DDX19B: variants seen among roughly 807,000 people sequenced by gnomAD.
The protein encoded by DDX19B is DEAD-box helicase 19B, also known as ATP-dependent RNA helicase DDX19B.
A neutral mutation model predicts 58.1 loss-of-function variants in DDX19B; 27 were observed. The observed-to-expected ratio is 0.46, with a 90% confidence interval of 0.34 to 0.64. DDX19B has a LOEUF of 0.64. DDX19B is among the 30% of genes least tolerant of loss of function. DDX19B has a pLI of 0.01. For missense variants in DDX19B, 399 were observed against 596.5 expected, an observed-to-expected ratio of 0.67 and a Z score of 3.45; for synonymous variants, 187 against 214.4, an observed-to-expected ratio of 0.87 and a Z score of 1.12.
intron 9 of DDX19B, among the ~76,000 whole-genome samples, chr16:70,330,687 G>GA (rs1963437454): frequency 6.6e-6 from 1 of 152,194 alleles, no homozygotes; most frequent in Admixed American, 6.5e-5. Context: ...GCTGAGGTTG[G>GA]AGGATCGCTT....
intron 5 of DDX19B, among the ~76,000 whole-genome samples, chr16:70,322,442 A>G (rs1962888891): frequency 6.6e-6 from 1 of 151,482 alleles, no homozygotes; most frequent in South Asian, 2.1e-4. Flanking sequence ...AAACACAAAA[A>G]TAGCCATGCA....
At chr16:70,325,771 TAATAC>T (rs1357673641) in intron 7 of DDX19B, 83 bp downstream of exon 7, 2 of 1,018,882 alleles carry the variant, frequency 2.0e-6, no homozygotes, top group African/African-American at 1.6e-5. Flanking sequence ...ATAGTTGAAA[TAATAC>T]AATAAACACA....
intron 5 of DDX19B, 131 bp from the exon 6 acceptor site, chr16:70,324,454 G>A: frequency 6.3e-6 from 4 of 636,604 alleles, no homozygotes; most frequent in Non-Finnish European, 1.1e-5. Flanking sequence ...CTGTTCTTGT[G>A]AAGCTAGCAT....
chr16:70,309,717 C>T (rs1397657965), intron 1 of DDX19B, among the ~76,000 whole-genome samples: 1 of 139,032 alleles, frequency 7.2e-6, no homozygotes, highest in Non-Finnish European at 1.5e-5. Context: ...ACTTGGGAGG[C>T]TGGGGTAGGA....
chr16:70,319,420 A>G (rs1431190880), intron 5 of DDX19B, among the ~76,000 whole-genome samples: 2 of 152,152 alleles, frequency 1.3e-5, no homozygotes, highest in Non-Finnish European at 2.9e-5. Flanking sequence ...CTGAGTGTCA[A>G]CATTTCTAAT....
At chr16:70,293,138 C>G (rs1338151333), upstream of DDX19B, among the ~76,000 whole-genome samples, 2 of 151,532 alleles carry the variant, frequency 1.3e-5, no homozygotes, top group Non-Finnish European at 2.9e-5. Flanking sequence ...CAGAAACAGG[C>G]CGGCGTGATG....
At position 70,329,811 on chromosome 16, in the gene DDX19B, A is replaced by G. The variant is rs776217344; in HGVS notation, c.786-20A>G. 5.6e-6 allele frequency: 9 copies of G among 1,613,996 alleles called. No individual in the cohort carries two copies. The South Asian group carries it at 9.9e-5, about 18-fold the overall frequency. ...TTCCCGGGGCCACCTGGGGCCACCTACCAGGGCCTTCCCTTGCAGGATGCT... is the reference window on the plus strand; with the variant it reads ...TTCCCGGGGCCACCTGGGGCCACCTGCCAGGGCCTTCCCTTGCAGGATGCT... On this transcript the variant is annotated intron_variant, in intron 8 of 11. Transcript: ENST00000288071.
chr16:70,299,158 C>T (rs571230317), upstream of DDX19B: 3 of 1,376,590 alleles, frequency 2.2e-6, no homozygotes, highest in Non-Finnish European at 2.8e-6. Context: ...TGGCCTCCGA[C>T]GTCACTGTGG....
At chr16:70,297,409 C>T (rs1412412773), upstream of DDX19B, among the ~76,000 whole-genome samples, 2 of 151,940 alleles carry the variant, frequency 1.3e-5, no homozygotes, top group Non-Finnish European at 2.9e-5. Context: ...GATAGGGTTT[C>T]ACCATGTTGG....
chr16:70,323,293 G>C (rs1451369746), intron 5 of DDX19B, among the ~76,000 whole-genome samples: 1 of 152,104 alleles, frequency 6.6e-6, no homozygotes, highest in Admixed American at 6.6e-5. Flanking sequence ...CTTTTGTAGA[G>C]AAAGGGTTTC....
chr16:70,303,392 G>GCCCA (rs1376909458), intron 1 of DDX19B, among the ~76,000 whole-genome samples: 1 of 152,136 alleles, frequency 6.6e-6, no homozygotes, highest in Non-Finnish European at 1.5e-5. Context: ...CAAGCAATCC[G>GCCCA]CCCACCTGGG....
At chr16:70,322,810 T>C (rs1962914796) in intron 5 of DDX19B, among the ~76,000 whole-genome samples, 1 of 148,556 alleles carries the variant, frequency 6.7e-6, no homozygotes, top group Non-Finnish European at 1.5e-5. Flanking sequence ...AAGAATTGCT[T>C]GAACCTGGGA....
intron 1 of DDX19B, among the ~76,000 whole-genome samples, chr16:70,310,449 G>A (rs913837469): frequency 6.6e-6 from 1 of 152,110 alleles, no homozygotes; most frequent in Non-Finnish European, 1.5e-5. Context: ...GCTAAGGCAG[G>A]AGGATTGCCT....
rs778691055 is a variant in DDX19B, at chr16:70,317,477, T to C, written c.297-19T>C. 1.3e-6 allele frequency: 2 copies of C among 1,597,876 alleles called. No individual in the cohort carries two copies. The highest frequency in any genetic ancestry group is 2.2e-5 in the East Asian group (1 of 44,764). On this transcript the variant is annotated intron_variant, in intron 4 of 11. Transcript: ENST00000288071. ...TCAACCAAAGAGACTGTGACTTTCA[T>C]CTTTAACTGTTTTTCTAGGAAACCA... is the stretch of plus-strand genomic sequence containing the variant.
chr16:70,331,546 T>C (rs989197895), intron 9 of DDX19B, among the ~76,000 whole-genome samples, 176 bp from the exon 10 acceptor site: 43 of 152,234 alleles, frequency 2.8e-4, no homozygotes, highest in Admixed American at 4.6e-4. Context: ...CTCAAGTGTG[T>C]AGCTTGGACT....
intron 1 of DDX19B, among the ~76,000 whole-genome samples, chr16:70,303,412 G>C (rs1353786948): frequency 2.6e-5 from 4 of 152,204 alleles, no homozygotes; most frequent in Admixed American, 1.3e-4. Context: ...GCCTCCCAGA[G>C]TGCTGAGATG....
At chr16:70,307,427 A>C (rs772633700) in intron 1 of DDX19B, among the ~76,000 whole-genome samples, 2 of 152,168 alleles carry the variant, frequency 1.3e-5, no homozygotes, top group African/African-American at 2.4e-5. Context: ...CAGTGGCACC[A>C]TCTCGGCTCA....
At chr16:70,309,828 A>AAAAAAAG (rs1961989160) in intron 1 of DDX19B, among the ~76,000 whole-genome samples, 2 of 150,764 alleles carry the variant, frequency 1.3e-5, no homozygotes, top group East Asian at 3.9e-4. Flanking sequence ...AAAAAAAAAA[A>AAAAAAAG]AAAAAAAAAA....
In DDX19B at chr16:70,299,259, G is replaced by A; in HGVS notation, c.-39G>A. 6.5e-7 allele frequency: 1 copy of A among 1,531,284 alleles called. No individual in the cohort carries two copies. The highest frequency in any genetic ancestry group is 8.8e-7 in the Non-Finnish European group (1 of 1,139,488). 94.9% of individuals were successfully genotyped at this position (1,531,284 alleles called of 1,614,324 possible). A position where few individuals can be genotyped will look rare whatever the true frequency, so the allele number is the denominator to read the frequency against. On this transcript the variant is annotated 5_prime_UTR_variant, in exon 1 of 12. Coordinates refer to ENST00000288071, the MANE Select transcript of DDX19B (RefSeq NM_007242.7). ...CCCACGATCCCTCGTGCCATCCCTC[G>A]AATCCACCAGCACGAGCGTCCCACC...
Sources: allele counts gnomAD v4.1 joint callset (sites outside exome capture counted in the v4.1 genomes callset), GRCh38; gene constraint gnomAD v4.1.1; transcripts MANE v1.5; gene names NCBI Gene and HGNC (gene_info 2026-07-23, HGNC 2026-07-21).